Variants in ZNF106 observed in about 807,000 individuals in gnomAD.
ZNF106 encodes SH3-domain binding protein 3.
ZNF106 carries 67 observed loss-of-function variants against 195.1 expected under a neutral mutation model. That is an observed-to-expected ratio of 0.34 (90% confidence interval 0.28 to 0.42). The LOEUF (loss-of-function observed/expected upper bound fraction) is 0.42. ZNF106 is among the 10% of genes least tolerant of loss of function. The pLI, the probability that ZNF106 is intolerant of heterozygous loss-of-function variation, is 1.00. For synonymous variants in ZNF106, 784 were observed against 818.6 expected (o/e 0.96, Z 0.72); for missense variants, 2,118 against 2,304.5 (o/e 0.92, Z 1.66).
rs112140919 is a variant in ZNF106, at chr15:42,449,286, G to A, written c.2501+485C>T. ...TGAAGAGCCAAAATATTACACAAGC[G>A]CTTAAGAGAAAGCATGTTGTAGTCA... On this transcript the variant is annotated intron_variant, in intron 5 of 21. Transcript: ENST00000564754. Among the ~76,000 whole-genome samples the A allele has an allele frequency of 8.5e-3, 1,288 of 152,238 alleles. 9 individuals are homozygous for A. Among genetic ancestry groups the A allele is most frequent in the Middle Eastern group, 0.037 (11 of 294 alleles).
At chr15:42,475,582 T>C (rs935238351) in intron 1 of ZNF106, among the ~76,000 whole-genome samples, 3 of 152,248 alleles carry the variant, frequency 2.0e-5, no homozygotes, top group Non-Finnish European at 1.5e-5. Context: ...GTATTATTTA[T>C]ACTTTCCATA....
chr15:42,457,079 A>G lies in ZNF106; in HGVS notation c.196T>C (p.Leu66=), dbSNP rs770001416. The change falls in exon 4 of 22, where the codon TTG becomes CTG. Residue 66 remains leucine (L), a synonymous_variant. Coordinates refer to ENST00000564754, the MANE Select transcript of ZNF106 (RefSeq NM_001366845.3). ...TGGGCATCAACGTTATCTTTGTGCA[A>G]CTGGCCAGAAATGTGCTTTGCATAT... ...SAYAKHISGQ[L]HKDNVDAQER... 7 of 1,613,292 alleles carry G rather than the reference A, an allele frequency of 4.3e-6. No homozygotes were observed. The South Asian group carries it at 4.4e-5, about 10-fold the overall frequency.
chr15:42,440,997 AAATATATAT>A (rs2055494949), intron 10 of ZNF106, among the ~76,000 whole-genome samples: 1 of 51,638 alleles, frequency 1.9e-5, no homozygotes, highest in Non-Finnish European at 3.1e-5. Context: ...AAAAAAAAAA[AAATATATAT>A]ATATATATAT....
At chr15:42,440,997 AAATATATATATAT>A (rs1451021697) in intron 10 of ZNF106, among the ~76,000 whole-genome samples, 9 of 51,658 alleles carry the variant, frequency 1.7e-4, no homozygotes, top group Admixed American at 2.8e-4. Flanking sequence ...AAAAAAAAAA[AAATATATATATAT>A]ATATATATAT....
In ZNF106 at chr15:42,448,557, A is replaced by G. The variant is rs755644369; in HGVS notation, c.2650T>C (p.Ser884Pro). 1 of 1,614,120 alleles carries G rather than the reference A, an allele frequency of 6.2e-7. No individual in the cohort carries two copies. The highest frequency in any genetic ancestry group is 8.5e-7 in the Non-Finnish European group (1 of 1,180,010). The change falls in exon 6 of 22, where the codon TCT (serine) becomes CCT (proline). Residue 884 changes from serine to proline, a missense_variant. By Grantham distance (74) the Ser-to-Pro change is moderately conservative. Transcript: ENST00000564754. Reference protein sequence around the residue: ...SPGLARKRSLSESSVIMDRAP... With the variant: ...SPGLARKRSLPESSVIMDRAP... ...CTGTCCATGATCACGCTGCTCTCAG[A>G]AAGGCTTCGCTTTCTTGCCAAGCCA...
chr15:42,486,102 C>T (rs560789977), intron 1 of ZNF106, among the ~76,000 whole-genome samples: 4 of 151,600 alleles, frequency 2.6e-5, no homozygotes, highest in South Asian at 2.1e-4. Flanking sequence ...GGACTACAGG[C>T]GCATGTACCA....
In ZNF106 at chr15:42,450,776, G is replaced by A. The variant is rs778894236; in HGVS notation, c.1496C>T (p.Thr499Ile). ...TCCAGGGGAAAAAAAATTTGTTTTG[G>A]TGTTTTTTGAGATATTCTTTGGATC... ...KQDPKNISKN[T>I]KTNFFSPGEH... Residue 499 changes from threonine to isoleucine, a missense_variant, in exon 5 of 22, where the codon ACC becomes ATC. Coordinates refer to ENST00000564754, the MANE Select transcript of ZNF106 (RefSeq NM_001366845.3). The A allele has an allele frequency of 4.3e-6, 7 of 1,614,184 alleles. No individual in the cohort carries two copies. Among genetic ancestry groups the A allele is most frequent in the Non-Finnish European group, 5.9e-6 (7 of 1,180,028 alleles).
intron 1 of ZNF106, among the ~76,000 whole-genome samples, chr15:42,481,034 A>G (rs1174383010): frequency 6.6e-6 from 1 of 152,164 alleles, no homozygotes; most frequent in Non-Finnish European, 1.5e-5. Context: ...CCCTGCAACC[A>G]TATAGGCCCA....
In ZNF106 at chr15:42,439,096, C is replaced by T. The variant is rs771568305; in HGVS notation, c.4481G>A (p.Gly1494Glu). The change falls in exon 11 of 22, where the codon GGG (glycine) becomes GAG (glutamate). Residue 1494 changes from glycine to glutamate, a missense_variant. Gly to Glu is a moderately conservative substitution (Grantham distance 98). Coordinates refer to ENST00000564754, the MANE Select transcript of ZNF106 (RefSeq NM_001366845.3). ...EQNPLETSRS[G>E]CDEVSSTSEI... ...ACTGGTAGAGCTAACTTCATCACACCCAGAACGAGACGTTTCTAGTGGGTT... is the reference window on the plus strand; with the variant it reads ...ACTGGTAGAGCTAACTTCATCACACTCAGAACGAGACGTTTCTAGTGGGTT... 6 of 1,614,052 alleles carry T rather than the reference C, an allele frequency of 3.7e-6. No individual in the cohort carries two copies. The highest frequency in any genetic ancestry group is 5.1e-6 in the Non-Finnish European group (6 of 1,180,032).
intron 1 of ZNF106, among the ~76,000 whole-genome samples, chr15:42,484,851 T>C (rs1211718033): frequency 6.6e-6 from 1 of 152,184 alleles, no homozygotes; most frequent in East Asian, 1.9e-4. Context: ...ACATTAACTA[T>C]GCTTCAGGCA....
Position 42,424,973 on chromosome 15 carries a change from C to T in ZNF106, c.5051G>A (p.Cys1684Tyr), listed in dbSNP as rs144352420. ...GGCACCTTCCTGAGCTGTAGCAAGA[C>T]AGCTGACTGCCCGAGGGCCATGGCA... is the stretch of plus-strand genomic sequence containing the variant. ...FECHGPRAVS[C>Y]LATAQEGARK... The change falls in exon 16 of 22, where the codon TGT becomes TAT. Residue 1684 changes from cysteine to tyrosine, a missense_variant. Coordinates refer to ENST00000564754, the MANE Select transcript of ZNF106 (RefSeq NM_001366845.3). 2.5e-6 allele frequency: 4 copies of T among 1,614,052 alleles called. No homozygotes were observed. The highest frequency in any genetic ancestry group is 1.7e-5 in the Admixed American group (1 of 60,006).
chr15:42,432,086 A>G (rs1375965916), intron 14 of ZNF106, among the ~76,000 whole-genome samples: 1 of 152,168 alleles, frequency 6.6e-6, no homozygotes, highest in Non-Finnish European at 1.5e-5. Context: ...ACCTGTACTT[A>G]TAATTGTTAT....
intron 1 of ZNF106, among the ~76,000 whole-genome samples, chr15:42,482,592 G>A (rs1377136554): frequency 6.4e-5 from 9 of 139,914 alleles, no homozygotes; most frequent in African/African-American, 1.4e-4. Flanking sequence ...GCAGTGGCAC[G>A]ATCTCAGCTC....
At position 42,415,609 on chromosome 15, in the gene ZNF106, T is replaced by C. The variant is rs532695184; in HGVS notation, c.*1695A>G. On this transcript the variant is annotated 3_prime_UTR_variant, in exon 22 of 22. Coordinates refer to ENST00000564754, the MANE Select transcript of ZNF106 (RefSeq NM_001366845.3). Reference sequence around the variant, plus strand: ...CTGAGGGAAGACATGTGAGTGGATATATGTGCACTAACAGGGGCGAAGACA... The same window carrying C: ...CTGAGGGAAGACATGTGAGTGGATACATGTGCACTAACAGGGGCGAAGACA... 3.6e-5 allele frequency: 14 copies of C among 383,932 alleles called. No individual in the cohort carries two copies. Among genetic ancestry groups the C allele is most frequent in the African/African-American group, 2.3e-4 (11 of 47,682 alleles). The allele number at this position is 383,932 out of a possible 1,614,324, so 23.8% of individuals were successfully genotyped here. A position where few individuals can be genotyped will look rare whatever the true frequency, so the allele number is the denominator to read the frequency against.
chr15:42,433,984 G>GATTACAGACATGA (rs2055168259), intron 14 of ZNF106, among the ~76,000 whole-genome samples: 1 of 152,028 alleles, frequency 6.6e-6, no homozygotes, highest in African/African-American at 2.4e-5. Flanking sequence ...AAACAGCTAG[G>GATTACAGACATGA]ACTATAGGTG....
chr15:42,448,962 C>T (rs535004935), intron 5 of ZNF106, among the ~76,000 whole-genome samples: 4 of 151,400 alleles, frequency 2.6e-5, no homozygotes, highest in Admixed American at 6.6e-5. Flanking sequence ...TCATATGGAG[C>T]GCTAAATCTA....
At position 42,439,205 on chromosome 15, in the gene ZNF106, C is replaced by T. The variant is rs924937021; in HGVS notation, c.4372G>A (p.Val1458Ile). ...VLEIPNPQLE[V>I]VAIDSSESGE... ...GATTCTGAAGAATCAATGGCTACTA[C>T]TTCTAACTGAGGATTAGGAATTTCT... The change falls in exon 11 of 22, where the codon GTA becomes ATA. Residue 1458 changes from valine (V) to isoleucine (I), a missense_variant. Transcript: ENST00000564754. The T allele has an allele frequency of 1.2e-6, 2 of 1,614,166 alleles. No individual in the cohort carries two copies. The highest frequency in any genetic ancestry group is 8.5e-7 in the Non-Finnish European group (1 of 1,180,042).
At chr15:42,478,839 C>G (rs886162774) in intron 1 of ZNF106, among the ~76,000 whole-genome samples, 7 of 151,988 alleles carry the variant, frequency 4.6e-5, no homozygotes, top group East Asian at 1.9e-4. Context: ...TACCTCCTAC[C>G]TTTTTTCTCT....
chr15:42,489,194 ATTT>A (rs201464614), intron 1 of ZNF106, among the ~76,000 whole-genome samples: 1 of 144,104 alleles, frequency 6.9e-6, no homozygotes, highest in African/African-American at 2.5e-5. Flanking sequence ...TTATTTTTTA[ATTT>A]TTTTTTTTTG....
Sources: gnomAD v4.1 joint callset for allele counts (sites outside exome capture counted in the v4.1 genomes callset) on GRCh38, gnomAD v4.1.1 for gene constraint, MANE v1.5 for transcripts, NCBI Gene and HGNC (gene_info 2026-07-23, HGNC 2026-07-21) for gene names.